STON1: variants seen among roughly 807,000 people sequenced by gnomAD.
STON1 encodes the protein stonin-1.
A neutral mutation model predicts 60.9 loss-of-function variants in STON1; 79 were observed. The observed-to-expected ratio is 1.30, with a 90% confidence interval of 1.08 to 1.56. The LOEUF (loss-of-function observed/expected upper bound fraction) is 1.56, where lower values mean the gene tolerates loss of function less well. Among genes scored for constraint, STON1 ranks in the 40% most tolerant of loss-of-function variants. The pLI is 0.00. For missense variants in STON1, 1,166 were observed against 858.9 expected, an observed-to-expected ratio of 1.36 and a Z score of -4.47; for synonymous variants, 363 against 306.9, an observed-to-expected ratio of 1.18 and a Z score of -1.91.
Position 48,581,492 on chromosome 2 carries a change from A to G in STON1, c.859A>G (p.Asn287Asp). Residue 287 changes from asparagine to aspartate, a missense_variant, in exon 2 of 4, where the codon AAT (asparagine) becomes GAT (aspartate). By Grantham distance (23) the Asn-to-Asp change is conservative. Coordinates refer to ENST00000404752, the MANE Select transcript of STON1 (RefSeq NM_006873.4). Reference sequence around the variant, plus strand: ...CATGCTGAGAATTCCTGAGAAGAAGAATATGATGTCTTCCCGGCAATGGGG... The same window carrying G: ...CATGCTGAGAATTCCTGAGAAGAAGGATATGATGTCTTCCCGGCAATGGGG... ...SFMLRIPEKK[N>D]MMSSRQWGPI... 6.2e-7 allele frequency: 1 copy of G among 1,614,256 alleles called. No homozygotes were observed. The highest frequency in any genetic ancestry group is 8.5e-7 in the Non-Finnish European group (1 of 1,180,052).
At chr2:48,572,622 T>C (rs1255317472) in intron 1 of STON1, among the ~76,000 whole-genome samples, 1 of 152,210 alleles carries the variant, frequency 6.6e-6, no homozygotes, top group Admixed American at 6.5e-5. Context: ...ATTTTGAAGC[T>C]ACAAGGAAAA....
chr2:48,551,147 A>G (rs532909751), intron 1 of STON1, among the ~76,000 whole-genome samples: 82 of 152,268 alleles, frequency 5.4e-4, no homozygotes, highest in African/African-American at 1.8e-3. Flanking sequence ...TAAACCTGGA[A>G]TTAACATCTA....
At chr2:48,569,973 T>C (rs1673117994) in intron 1 of STON1, among the ~76,000 whole-genome samples, 1 of 152,236 alleles carries the variant, frequency 6.6e-6, no homozygotes, top group Admixed American at 6.5e-5. Context: ...TTTAAGGTAT[T>C]GCTGTTTGTG....
chr2:48,556,229 A>C (rs1572942832), intron 1 of STON1, among the ~76,000 whole-genome samples: 1 of 28,554 alleles, frequency 3.5e-5, no homozygotes, highest in African/African-American at 1.2e-4. Flanking sequence ...TGACCCCCCC[A>C]CCTCCCTCCC....
At chr2:48,546,307 T>C (rs1228878784) in intron 1 of STON1, among the ~76,000 whole-genome samples, 1 of 152,278 alleles carries the variant, frequency 6.6e-6, no homozygotes, top group Non-Finnish European at 1.5e-5. Context: ...GTCACCTGCA[T>C]TAACTCCTGG....
In STON1 at chr2:48,564,563, T is replaced by G. The variant is rs186448149; in HGVS notation, c.-47-16024T>G. On this transcript the variant is annotated intron_variant, in intron 1 of 3. Coordinates refer to ENST00000404752, the MANE Select transcript of STON1 (RefSeq NM_006873.4). ...TTCTTCTTCTTCTTCTTCTTCTTCTTCTTCTCCTTCTCCTTCTCCTCCTCC... is the reference window on the plus strand; with the variant it reads ...TTCTTCTTCTTCTTCTTCTTCTTCTGCTTCTCCTTCTCCTTCTCCTCCTCC... Among the ~76,000 whole-genome samples, 9 of 28,378 alleles carry G rather than the reference T, an allele frequency of 3.2e-4. 1 individual carries two copies. The East Asian group carries it at 0.012, about 36-fold the overall frequency. The allele number at this position is 28,378 out of a possible 152,430, so 18.6% of individuals were successfully genotyped here.
intron 1 of STON1, among the ~76,000 whole-genome samples, chr2:48,535,861 C>G (rs1415504982): frequency 6.6e-6 from 1 of 152,046 alleles, no homozygotes; most frequent in Non-Finnish European, 1.5e-5. Context: ...CTGAGGCGGG[C>G]TGATCGCTTG....
At chr2:48,558,138 G>A (rs914269562) in intron 1 of STON1, among the ~76,000 whole-genome samples, 13 of 152,304 alleles carry the variant, frequency 8.5e-5, no homozygotes, top group Non-Finnish European at 1.5e-4. Context: ...CAGAAGAATC[G>A]CTTGAACCCG....
At chr2:48,574,643 T>A (rs1282399524) in intron 1 of STON1, among the ~76,000 whole-genome samples, 1 of 152,138 alleles carries the variant, frequency 6.6e-6, no homozygotes, top group Non-Finnish European at 1.5e-5. Flanking sequence ...CTTCACAGGG[T>A]CTTTTTGATA....
chr2:48,576,498 C>CTT lies in STON1; in HGVS notation c.-47-4073_-47-4072dup, dbSNP rs35460615. 8.8e-3 allele frequency among the ~76,000 whole-genome samples: 1,263 copies of CTT among 143,940 alleles called. 18 individuals are homozygous for CTT. The highest frequency in any genetic ancestry group is 0.032 in the African/African-American group (1,230 of 38,880). 94.4% of individuals were successfully genotyped at this position (143,940 alleles called of 152,430 possible). On this transcript the variant is annotated intron_variant, in intron 1 of 3. Transcript: ENST00000404752. ...AGCCACTGTGCCTGGCCATATTATC[C>CTT]TTTTTTTTTTTTTTTTTAAAAGAAA...
intron 2 of STON1, among the ~76,000 whole-genome samples, chr2:48,584,063 T>C (rs952829683): frequency 6.6e-6 from 1 of 152,102 alleles, no homozygotes; most frequent in Non-Finnish European, 1.5e-5. Flanking sequence ...CATCCAAATC[T>C]TTACTGAGTA....
chr2:48,572,093 G>A (rs1673240102), intron 1 of STON1, among the ~76,000 whole-genome samples: 1 of 152,162 alleles, frequency 6.6e-6, no homozygotes, highest in African/African-American at 2.4e-5. Context: ...AACCTGGGAG[G>A]CAGAGGTTGC....
chr2:48,574,493 GT>G (rs1296987025), intron 1 of STON1, among the ~76,000 whole-genome samples: 1 of 152,050 alleles, frequency 6.6e-6, no homozygotes, highest in Non-Finnish European at 1.5e-5. Context: ...TTTTAAAAGG[GT>G]GAATTCATGG....
intron 2 of STON1, among the ~76,000 whole-genome samples, chr2:48,589,097 T>A (rs1278898819): frequency 1.3e-5 from 2 of 152,074 alleles, no homozygotes; most frequent in Non-Finnish European, 2.9e-5. Flanking sequence ...CAATTAAATA[T>A]ATCTACCTCT....
rs1672782273 is a variant in STON1 at position 48,564,476 on chromosome 2, CTTCTTTCTTCTTCTT to C, written c.-47-16110_-47-16096del. 1.4e-4 allele frequency among the ~76,000 whole-genome samples: 7 copies of C among 50,384 alleles called. 1 individual carries two copies. Among genetic ancestry groups the C allele is most frequent in the East Asian group, 4.8e-4 (1 of 2,082 alleles). 33.1% of individuals were successfully genotyped at this position (50,384 alleles called of 152,430 possible). A position where few individuals can be genotyped will look rare whatever the true frequency, so the allele number is the denominator to read the frequency against. ...TCTTCTTCTTCTTCTTCTTCTTCTT[CTTCTTTCTTCTTCTT>C]CTTCTTCTTCTTCTTCTTCTTCTTC... On this transcript the variant is annotated intron_variant, in intron 1 of 3. Transcript: ENST00000404752.
chr2:48,545,881 G>C (rs116770698), intron 1 of STON1, among the ~76,000 whole-genome samples: 1,637 of 152,302 alleles, frequency 0.011, 33 homozygotes, highest in African/African-American at 0.038. Flanking sequence ...TGATGCTAAG[G>C]CTGACATTAC....
chr2:48,569,800 G>T (rs1673108484), intron 1 of STON1, among the ~76,000 whole-genome samples: 1 of 152,194 alleles, frequency 6.6e-6, no homozygotes, highest in Admixed American at 6.5e-5. Context: ...CAGACCAGAA[G>T]TGTTTTAGAT....
At chr2:48,541,699 C>CAAAAAAA (rs71399061) in intron 1 of STON1, among the ~76,000 whole-genome samples, 1 of 60,682 alleles carries the variant, frequency 1.6e-5, no homozygotes, top group Non-Finnish European at 2.9e-5. Context: ...AACTTCGTCT[C>CAAAAAAA]AAAAAAAAAA....
At chr2:48,535,207 A>G (rs1196843057) in intron 1 of STON1, among the ~76,000 whole-genome samples, 2 of 152,152 alleles carry the variant, frequency 1.3e-5, no homozygotes, top group African/African-American at 4.8e-5. Context: ...CAGGGGAAAT[A>G]AAGGGTTTAC....
Sources: gnomAD v4.1 joint callset for allele counts (sites outside exome capture counted in the v4.1 genomes callset) on GRCh38, gnomAD v4.1.1 for gene constraint, MANE v1.5 for transcripts, NCBI Gene and HGNC (gene_info 2026-07-23, HGNC 2026-07-21) for gene names.